The following PEX5L variants were observed in gnomAD, a reference collection of about 807,000 sequenced individuals.
PEX5L encodes peroxisomal biogenesis factor 5 like, also known as PEX5-related protein.
In PEX5L, 30 loss-of-function variants were observed where a neutral mutation model predicts 84.0. That is an observed-to-expected ratio of 0.36 (90% CI 0.27 to 0.48). The LOEUF (loss-of-function observed/expected upper bound fraction) is 0.48. Among genes scored for constraint, PEX5L ranks in the 20% least tolerant of loss-of-function variants. The pLI, the probability that PEX5L is intolerant of heterozygous loss-of-function variation, is 0.99. For missense variants in PEX5L, 533 were observed against 754.6 expected, an observed-to-expected ratio of 0.71 and a Z score of 3.44; for synonymous variants, 270 against 283.1, an observed-to-expected ratio of 0.95 and a Z score of 0.46.
chr3:179,968,708 T>C (rs1783973527), intron 2 of PEX5L, among the ~76,000 whole-genome samples: 1 of 131,298 alleles, frequency 7.6e-6, no homozygotes, highest in Non-Finnish European at 1.7e-5. Flanking sequence ...TGTGTGTGTG[T>C]GTGTGTGTGT....
At chr3:179,820,243 C>T (rs193079886) in intron 8 of PEX5L, among the ~76,000 whole-genome samples, 3 of 152,268 alleles carry the variant, frequency 2.0e-5, no homozygotes, top group African/African-American at 7.2e-5. Context: ...TAAAAACCCA[C>T]TAGTTATGTA....
At chr3:180,033,839 T>C (rs1791667162) in intron 1 of PEX5L, among the ~76,000 whole-genome samples, 1 of 152,188 alleles carries the variant, frequency 6.6e-6, no homozygotes, top group South Asian at 2.1e-4. Context: ...AGGACCCTGC[T>C]CCTAAGAAAT....
At chr3:180,020,945 G>A (rs1790371469) in intron 1 of PEX5L, among the ~76,000 whole-genome samples, 1 of 152,038 alleles carries the variant, frequency 6.6e-6, no homozygotes, top group African/African-American at 2.4e-5. Flanking sequence ...CCATGACTAG[G>A]CTCTGTGCTA....
chr3:179,979,599 AAG>A (rs1264810545), intron 1 of PEX5L, among the ~76,000 whole-genome samples: 1 of 152,168 alleles, frequency 6.6e-6, no homozygotes, highest in African/African-American at 2.4e-5. Context: ...TGCAGAGTCT[AAG>A]AGAATTGACG....
chr3:179,954,625 T>C (rs1027625056), intron 2 of PEX5L, among the ~76,000 whole-genome samples: 1 of 152,060 alleles, frequency 6.6e-6, no homozygotes. Flanking sequence ...TTCAAGAAAA[T>C]GCAATGCAGT....
chr3:179,842,643 A>C (rs1737718690), intron 8 of PEX5L, among the ~76,000 whole-genome samples: 1 of 152,146 alleles, frequency 6.6e-6, no homozygotes, highest in African/African-American at 2.4e-5. Flanking sequence ...AGATGTGTTA[A>C]CTTCAACGAA....
intron 2 of PEX5L, among the ~76,000 whole-genome samples, chr3:179,934,287 G>A (rs1275312948): frequency 6.6e-6 from 1 of 152,214 alleles, no homozygotes; most frequent in Non-Finnish European, 1.5e-5. Flanking sequence ...CATATGGAAG[G>A]AAGGAGGATT....
chr3:179,905,277 CT>C (rs35550522), intron 2 of PEX5L, among the ~76,000 whole-genome samples: 107 of 145,206 alleles, frequency 7.4e-4, no homozygotes, highest in Non-Finnish European at 7.6e-4. Flanking sequence ...AATCTGTGTC[CT>C]TTTTTTTTTT....
chr3:180,023,439 G>A (rs1391336030), intron 1 of PEX5L, among the ~76,000 whole-genome samples: 2 of 152,192 alleles, frequency 1.3e-5, no homozygotes, highest in Non-Finnish European at 2.9e-5. Flanking sequence ...CACGTCCTCT[G>A]AAGAATTAGG....
At chr3:179,931,927 T>C (rs955988000) in intron 2 of PEX5L, among the ~76,000 whole-genome samples, 1 of 57,882 alleles carries the variant, frequency 1.7e-5, no homozygotes, top group Non-Finnish European at 3.7e-5. Flanking sequence ...ACCAAACTTC[T>C]AAATGCATAT....
At chr3:179,803,748 T>C (rs1720045314) in intron 14 of PEX5L, among the ~76,000 whole-genome samples, 2 of 152,226 alleles carry the variant, frequency 1.3e-5, no homozygotes, top group East Asian at 3.8e-4. Flanking sequence ...GAGACTGGAT[T>C]TCTAATTCTA....
At chr3:179,944,384 C>T (rs965350137) in intron 2 of PEX5L, among the ~76,000 whole-genome samples, 8 of 152,182 alleles carry the variant, frequency 5.3e-5, no homozygotes, top group African/African-American at 1.7e-4. Flanking sequence ...AGTTCAAATC[C>T]AGTCTTGGAC....
At position 180,036,620 on chromosome 3, in the gene PEX5L, G is replaced by C. The variant is rs1791931703; in HGVS notation, c.-21C>G. 6.2e-7 allele frequency: 1 copy of C among 1,613,766 alleles called. No homozygotes were observed. Among genetic ancestry groups the C allele is most frequent in the Non-Finnish European group, 8.5e-7 (1 of 1,179,758 alleles). ...TACATTCTGCTTCGGTTTCTTCAGG[G>C]CTCCCTGAGGCCACCGGATGCTTTT... On this transcript the variant is annotated 5_prime_UTR_variant, in exon 1 of 15. Coordinates refer to ENST00000467460, the MANE Select transcript of PEX5L (RefSeq NM_016559.3).
At chr3:179,982,798 G>T (rs1786453060) in intron 1 of PEX5L, among the ~76,000 whole-genome samples, 1 of 152,106 alleles carries the variant, frequency 6.6e-6, no homozygotes, top group African/African-American at 2.4e-5. Context: ...CTGGGTAGGT[G>T]AGTGTGGGGA....
chr3:179,977,546 T>A (rs2110310506), intron 1 of PEX5L, among the ~76,000 whole-genome samples: 1 of 152,216 alleles, frequency 6.6e-6, no homozygotes, highest in Admixed American at 6.5e-5. Context: ...CTCATTTCTG[T>A]GGCAGCCAAA....
intron 1 of PEX5L, among the ~76,000 whole-genome samples, chr3:179,986,504 G>A (rs1199548961): frequency 1.3e-5 from 2 of 148,482 alleles, no homozygotes; most frequent in Non-Finnish European, 3.0e-5. Flanking sequence ...CCGGGTTCAC[G>A]CCATTCTCCT....
intron 8 of PEX5L, among the ~76,000 whole-genome samples, chr3:179,841,163 C>T (rs940069824): frequency 5.9e-5 from 9 of 152,182 alleles, no homozygotes; most frequent in Admixed American, 2.6e-4. Context: ...TACCAGTCTG[C>T]TGACGAAAGC....
At chr3:180,012,646 G>A (rs1217315417) in intron 1 of PEX5L, among the ~76,000 whole-genome samples, 1 of 151,830 alleles carries the variant, frequency 6.6e-6, no homozygotes, top group Non-Finnish European at 1.5e-5. Context: ...ATAGATAAAG[G>A]ATTTCAATAA....
chr3:179,830,286 C>A (rs1486852874), intron 8 of PEX5L, among the ~76,000 whole-genome samples: 1 of 111,992 alleles, frequency 8.9e-6, no homozygotes, highest in Non-Finnish European at 1.6e-5. Context: ...TCCTCCCCCG[C>A]CCCCCCCCTT....
Sources: gnomAD v4.1 joint callset for allele counts (sites outside exome capture counted in the v4.1 genomes callset) on GRCh38, gnomAD v4.1.1 for gene constraint, MANE v1.5 for transcripts, NCBI Gene and HGNC (gene_info 2026-07-23, HGNC 2026-07-21) for gene names.